Variants in PCDHGA1 observed in about 807,000 individuals in gnomAD.
PCDHGA1 encodes the protein protocadherin gamma-A1.
A neutral mutation model predicts 58.0 loss-of-function variants in PCDHGA1; 32 were observed. That is an observed-to-expected ratio of 0.55 (90% CI 0.42 to 0.74). PCDHGA1 has a LOEUF of 0.74. Ranked by LOEUF, PCDHGA1 falls within the 30% of genes least tolerant of loss-of-function variation. The pLI, the probability that PCDHGA1 is intolerant of heterozygous loss-of-function variation, is 0.00. For synonymous variants in PCDHGA1, 498 were observed against 501.1 expected, an observed-to-expected ratio of 0.99 and a Z score of 0.08; for missense variants, 1,205 against 1,182.3, an observed-to-expected ratio of 1.02 and a Z score of -0.28.
At position 141,381,826 on chromosome 5, in the gene PCDHGA1, CTTT is replaced by C. The variant is rs770630741; in HGVS notation, c.2421+48741_2421+48743del. Among the ~76,000 whole-genome samples the C allele has an allele frequency of 8.4e-3, 625 of 74,256 alleles. 6 individuals are homozygous for C. Among genetic ancestry groups the C allele is most frequent in the African/African-American group, 0.035 (569 of 16,164 alleles). 48.7% of individuals were successfully genotyped at this position (74,256 alleles called of 152,430 possible). On this transcript the variant is annotated intron_variant, in intron 1 of 3. Transcript: ENST00000517417. ...TTTCTTTCTTTCTTTCTTTCTTCTT[CTTT>C]TTTTTTTTTTTTTTTTTTTGGCAGA...
chr5:141,447,516 A>G (rs997127013), intron 1 of PCDHGA1, among the ~76,000 whole-genome samples: 1 of 152,220 alleles, frequency 6.6e-6, no homozygotes, highest in African/African-American at 2.4e-5. Flanking sequence ...ATGCATAACA[A>G]TCATAACAAA....
chr5:141,469,731 C>T (rs1332201791), intron 1 of PCDHGA1, among the ~76,000 whole-genome samples: 1 of 152,214 alleles, frequency 6.6e-6, no homozygotes, highest in Non-Finnish European at 1.5e-5. Context: ...ATCATAAATA[C>T]ACACCTCAAA....
At chr5:141,423,750 T>TGG (rs144521096) in intron 1 of PCDHGA1, 9,462 of 287,056 alleles carry the variant, frequency 0.033, 140 homozygotes, top group African/African-American at 0.097. Flanking sequence ...GAAAACTGTT[T>TGG]GGGGGGGGGG....
chr5:141,331,166 A>T lies in PCDHGA1; in HGVS notation c.482A>T (p.Asp161Val). The change falls in exon 1 of 4, where the codon GAT becomes GTT. Residue 161 changes from aspartate (D) to valine (V), a missense_variant. Physicochemically the swap from Asp to Val is radical, Grantham distance 152. Transcript: ENST00000517417. ...TCATTGCCTTTTGGGCAAGACCTTG[A>T]TGTGGGTATGAACTCACTCCAGAGC... ...RVSLPFGQDL[D>V]VGMNSLQSYQ... is the part of the protein sequence containing the mutation. 1 of 1,614,162 alleles carries T rather than the reference A, an allele frequency of 6.2e-7. No homozygotes were observed. The highest frequency in any genetic ancestry group is 8.5e-7 in the Non-Finnish European group (1 of 1,180,030).
In PCDHGA1 at chr5:141,332,372, T is replaced by A. The variant is rs1756403865; in HGVS notation, c.1688T>A (p.Leu563Gln). ...LDQNDNAPEI[L>Q]YPALPTDGST... ...CAGAACGACAACGCGCCCGAGATCC[T>A]GTACCCCGCCCTCCCCACAGATGGT... The change falls in exon 1 of 4, where the codon CTG (leucine) becomes CAG (glutamine). Residue 563 changes from leucine (L) to glutamine (Q), a missense_variant. Coordinates refer to ENST00000517417, the MANE Select transcript of PCDHGA1 (RefSeq NM_018912.3). This position sits in a 1 kb window ranked among gnomAD's most constrained non-coding sequence, Gnocchi z 4.6. 1 of 1,614,198 alleles carries A rather than the reference T, an allele frequency of 6.2e-7. No individual in the cohort carries two copies.
At chr5:141,362,477 T>C (rs1269006896) in intron 1 of PCDHGA1, 2 of 1,613,938 alleles carry the variant, frequency 1.2e-6, no homozygotes, top group Admixed American at 1.7e-5. Context: ...CAAGATCTCG[T>C]CTGTGACAAT....
chr5:141,427,398 A>T (rs1040184910), intron 1 of PCDHGA1: 8 of 460,774 alleles, frequency 1.7e-5, no homozygotes, highest in Non-Finnish European at 3.5e-5. Context: ...AACACATGAT[A>T]AAGATTCGAG....
At chr5:141,403,715 G>A in intron 1 of PCDHGA1, 3 of 1,613,898 alleles carry the variant, frequency 1.9e-6, no homozygotes, top group Non-Finnish European at 2.5e-6. Flanking sequence ...CCTTGAGAAC[G>A]TGCCCCCAGG....
chr5:141,362,449 C>T (rs762665729), intron 1 of PCDHGA1: 2 of 1,614,006 alleles, frequency 1.2e-6, no homozygotes, highest in Non-Finnish European at 1.7e-6. Flanking sequence ...GAACATAACC[C>T]CGGAATTGGT....
intron 1 of PCDHGA1, chr5:141,414,493 GCT>G: frequency 6.2e-7 from 1 of 1,613,950 alleles, no homozygotes; most frequent in Non-Finnish European, 8.5e-7. Context: ...ATCAACGGAA[GCT>G]CACTTTATGC....
chr5:141,489,483 T>G lies in PCDHGA1; in HGVS notation c.2422-5324T>G. 1.9e-6 allele frequency: 3 copies of G among 1,613,980 alleles called. No individual in the cohort carries two copies. The highest frequency in any genetic ancestry group is 2.5e-6 in the Non-Finnish European group (3 of 1,180,008). ...GCTATTTTTCCCTGAGCTTGATGAG[T>G]GGTGCCCTGGCAGTGAATCAAAAGA... On this transcript the variant is annotated intron_variant, in intron 1 of 3. Coordinates refer to ENST00000517417, the MANE Select transcript of PCDHGA1 (RefSeq NM_018912.3). This position sits in a 1 kb window ranked among gnomAD's most constrained non-coding sequence, Gnocchi z 4.5.
chr5:141,374,574 T>C, intron 1 of PCDHGA1: 1 of 1,613,746 alleles, frequency 6.2e-7, no homozygotes, highest in Non-Finnish European at 8.5e-7. Flanking sequence ...GATGTGGGAA[T>C]GAACTCCCTT....
chr5:141,430,255 T>TC (rs11167746), intron 1 of PCDHGA1, among the ~76,000 whole-genome samples: 81,857 of 151,872 alleles, frequency 0.54, 24,107 homozygotes, highest in African/African-American at 0.79. Flanking sequence ...GGGAGACATC[T>TC]CCATAATAGG....
chr5:141,364,491 T>G, intron 1 of PCDHGA1: 1 of 1,614,022 alleles, frequency 6.2e-7, no homozygotes. Context: ...GACCTTGGGC[T>G]GGAGCCCCAG....
intron 1 of PCDHGA1, chr5:141,366,529 G>A (rs748780311): frequency 6.2e-6 from 10 of 1,614,120 alleles, no homozygotes; most frequent in Non-Finnish European, 4.2e-6. Flanking sequence ...GCAGGTTGGC[G>A]GGTGTGCCCG....
intron 3 of PCDHGA1, among the ~76,000 whole-genome samples, chr5:141,510,538 G>A (rs1423013528): frequency 1.3e-5 from 2 of 152,216 alleles, no homozygotes; most frequent in East Asian, 1.9e-4. Context: ...AAATACCAGC[G>A]AATGTGTTTT....
At chr5:141,387,526 G>A (rs186607627) in intron 1 of PCDHGA1, among the ~76,000 whole-genome samples, 58 of 152,324 alleles carry the variant, frequency 3.8e-4, no homozygotes, top group African/African-American at 1.3e-3. Context: ...ATATACAGAC[G>A]TATCCACGTA....
At chr5:141,428,197 G>C in intron 1 of PCDHGA1, 3 of 1,385,972 alleles carry the variant, frequency 2.2e-6, no homozygotes, top group Non-Finnish European at 3.0e-6. Flanking sequence ...CGCTCTCTGC[G>C]CCGCTACGCT....
intron 1 of PCDHGA1, among the ~76,000 whole-genome samples, chr5:141,468,782 C>T (rs1280972843): frequency 2.0e-5 from 3 of 151,990 alleles, no homozygotes; most frequent in East Asian, 3.9e-4. Context: ...AGGAGAATGG[C>T]GTGAACCCGG....
Sources: allele counts gnomAD v4.1 joint callset (sites outside exome capture counted in the v4.1 genomes callset), GRCh38; gene constraint gnomAD v4.1.1; non-coding constraint Gnocchi (gnomAD v3.1); transcripts MANE v1.5; gene names NCBI Gene and HGNC (gene_info 2026-07-23, HGNC 2026-07-21).